The following IPO11 variants were observed in gnomAD, a reference collection of about 807,000 sequenced individuals.
IPO11 encodes importin 11.
IPO11 carries 66 observed loss-of-function variants against 143.2 expected under a neutral mutation model. The observed-to-expected ratio is 0.46, with a 90% CI of 0.38 to 0.57. The LOEUF is 0.57. Ranked by LOEUF, IPO11 falls within the 20% of genes least tolerant of loss-of-function variation. IPO11 has a pLI of 0.00. For synonymous variants in IPO11, 385 were observed against 377.8 expected (o/e 1.02, Z -0.22); for missense variants, 1,026 against 1,141.0 (o/e 0.90, Z 1.45).
chr5:62,583,183 C>T (rs1348941847), intron 27 of IPO11, among the ~76,000 whole-genome samples: 1 of 151,936 alleles, frequency 6.6e-6, no homozygotes, highest in African/African-American at 2.4e-5. Context: ...TTGTTGTATC[C>T]TCCCAACTCC....
At chr5:62,415,259 G>A (rs1743250716) in intron 1 of IPO11, among the ~76,000 whole-genome samples, 1 of 152,038 alleles carries the variant, frequency 6.6e-6, no homozygotes, top group Non-Finnish European at 1.5e-5. Flanking sequence ...CGCCTCCCGG[G>A]TTCAAGCGGT....
chr5:62,451,597 C>T, intron 4 of IPO11, 133 bp from the exon 5 acceptor site: 1 of 742,212 alleles, frequency 1.3e-6, no homozygotes, highest in South Asian at 1.8e-5. Context: ...ACTTTGAGAA[C>T]CACTGTTTAA....
intron 21 of IPO11, 114 bp downstream of exon 21, chr5:62,526,371 C>G (rs1742370515): frequency 4.4e-6 from 3 of 686,600 alleles, no homozygotes; most frequent in Admixed American, 5.3e-5. Flanking sequence ...AATGTAAACT[C>G]TGTTTCTTCA....
chr5:62,593,325 C>T (rs774268763), intron 28 of IPO11, among the ~76,000 whole-genome samples: 2 of 152,014 alleles, frequency 1.3e-5, no homozygotes, highest in Non-Finnish European at 2.9e-5. Flanking sequence ...CTAGTGCAGT[C>T]TCATGGAATT....
intron 29 of IPO11, among the ~76,000 whole-genome samples, chr5:62,623,802 G>GAT (rs1746460119): frequency 6.6e-6 from 1 of 151,696 alleles, no homozygotes; most frequent in African/African-American, 2.4e-5. Flanking sequence ...TTTTCTAGTA[G>GAT]AGATAGGGTT....
chr5:62,548,239 C>T (rs1743274568), intron 24 of IPO11, among the ~76,000 whole-genome samples: 1 of 152,120 alleles, frequency 6.6e-6, no homozygotes, highest in Non-Finnish European at 1.5e-5. Flanking sequence ...GTAATACTTA[C>T]CTTTTTTTGG....
intron 29 of IPO11, among the ~76,000 whole-genome samples, chr5:62,607,944 G>A (rs1433441021): frequency 1.3e-5 from 2 of 152,044 alleles, no homozygotes; most frequent in Admixed American, 6.6e-5. Flanking sequence ...AGCCTCCCAA[G>A]TAGCTGGGAT....
chr5:62,574,313 A>G (rs1022205979), intron 27 of IPO11, among the ~76,000 whole-genome samples: 1 of 152,152 alleles, frequency 6.6e-6, no homozygotes, highest in East Asian at 1.9e-4. Context: ...CTTCTGGTGC[A>G]TGTGCGTGTG....
chr5:62,482,862 T>G (rs1287223215), intron 9 of IPO11, among the ~76,000 whole-genome samples: 1 of 152,178 alleles, frequency 6.6e-6, no homozygotes, highest in Non-Finnish European at 1.5e-5. Context: ...TGAGTCTGTT[T>G]TGGTTTCTGT....
At chr5:62,497,129 G>A (rs1220716165) in intron 16 of IPO11, among the ~76,000 whole-genome samples, 4 of 152,160 alleles carry the variant, frequency 2.6e-5, no homozygotes, top group East Asian at 1.9e-4. Context: ...ATTAACTACC[G>A]TTGTCCATGT....
chr5:62,422,768 G>A (rs1234540663), intron 1 of IPO11, among the ~76,000 whole-genome samples: 1 of 152,052 alleles, frequency 6.6e-6, no homozygotes, highest in African/African-American at 2.4e-5. Context: ...TGCCTCCCCT[G>A]TCTATTGTCT....
chr5:62,614,262 A>T (rs1030607148), intron 29 of IPO11, among the ~76,000 whole-genome samples: 1 of 152,236 alleles, frequency 6.6e-6, no homozygotes, highest in African/African-American at 2.4e-5. Flanking sequence ...AAGAAACCTG[A>T]TGAGTTTCTT....
At chr5:62,545,106 T>A (rs1338063494) in intron 24 of IPO11, among the ~76,000 whole-genome samples, 1 of 152,090 alleles carries the variant, frequency 6.6e-6, no homozygotes, top group East Asian at 1.9e-4. Context: ...TACTTTAAAG[T>A]TCATATGGAA....
At position 62,531,485 on chromosome 5, in the gene IPO11, C is replaced by T. The variant is rs552743731; in HGVS notation, c.2089+700C>T. Among the ~76,000 whole-genome samples, 58 of 152,264 alleles carry T rather than the reference C, an allele frequency of 3.8e-4. 1 individual carries two copies. The South Asian group carries it at 0.012, about 31-fold the overall frequency. Reference sequence around the variant, plus strand: ...AGCTAGGATTACAGGTGTGCACCACCACACACAGCTAATTTTTATATTTTA... The same window carrying T: ...AGCTAGGATTACAGGTGTGCACCACTACACACAGCTAATTTTTATATTTTA... On this transcript the variant is annotated intron_variant, in intron 22 of 29. Transcript: ENST00000325324.
chr5:62,467,165 T>A lies in IPO11; in HGVS notation c.551T>A (p.Leu184Gln). 6.2e-7 allele frequency: 1 copy of A among 1,611,378 alleles called. No individual in the cohort carries two copies. Among genetic ancestry groups the A allele is most frequent in the Non-Finnish European group, 8.5e-7 (1 of 1,179,414 alleles). ...ASGIYNFACSLWNHHTDTFLQ... is the reference protein window; with the variant it reads ...ASGIYNFACSQWNHHTDTFLQ... ...GGAATTTATAATTTTGCCTGCTCTCTGTGGAATCACCACACAGACACATTC... is the reference window on the plus strand; with the variant it reads ...GGAATTTATAATTTTGCCTGCTCTCAGTGGAATCACCACACAGACACATTC... Residue 184 changes from leucine to glutamine, a missense_variant, in exon 6 of 30, where the codon CTG (leucine) becomes CAG (glutamine). Transcript: ENST00000325324.
chr5:62,559,003 A>G (rs1743674473), intron 26 of IPO11, among the ~76,000 whole-genome samples: 1 of 152,204 alleles, frequency 6.6e-6, no homozygotes, highest in South Asian at 2.1e-4. Flanking sequence ...TATTATGTCT[A>G]AAGTAATAAT....
chr5:62,521,500 A>G (rs1228844002), intron 20 of IPO11, among the ~76,000 whole-genome samples: 1 of 151,852 alleles, frequency 6.6e-6, no homozygotes, highest in African/African-American at 2.4e-5. Flanking sequence ...AACTTGTGTG[A>G]TCATCTCTGT....
chr5:62,464,852 A>C (rs911123490), intron 5 of IPO11, among the ~76,000 whole-genome samples: 4 of 152,206 alleles, frequency 2.6e-5, no homozygotes, highest in African/African-American at 9.6e-5. Flanking sequence ...CCTTTTAAAC[A>C]ATTTTAATCT....
chr5:62,499,569 CTTTTTTTTTT>C (rs35545041), intron 16 of IPO11, among the ~76,000 whole-genome samples: 3 of 100,104 alleles, frequency 3.0e-5, no homozygotes, highest in East Asian at 3.1e-4. Flanking sequence ...CTTACTCTAA[CTTTTTTTTTT>C]TTTTTTTTTT....
Sources: allele counts gnomAD v4.1 joint callset (sites outside exome capture counted in the v4.1 genomes callset), GRCh38; gene constraint gnomAD v4.1.1; transcripts MANE v1.5; gene names NCBI Gene and HGNC (gene_info 2026-07-23, HGNC 2026-07-21).